RYR2: variants seen among roughly 807,000 people sequenced by gnomAD.
The protein encoded by RYR2 is cardiac muscle ryanodine receptor-calcium release channel.
A neutral mutation model predicts 601.1 loss-of-function variants in RYR2; 227 were observed. That is an observed-to-expected ratio of 0.38 (90% CI 0.34 to 0.42). The LOEUF is 0.42. RYR2 is among the 10% of genes least tolerant of loss of function. The probability of loss-of-function intolerance (pLI) is 1.00; values close to 1 mark genes in which losing one functional copy is unlikely to be tolerated. For synonymous variants in RYR2, 2,223 were observed against 2,175.1 expected (o/e 1.02, Z -0.61); for missense variants, 4,646 against 6,156.5 (o/e 0.75, Z 8.21).
At chr1:237,264,329 G>C (rs1688823263) in intron 1 of RYR2, among the ~76,000 whole-genome samples, 1 of 152,106 alleles carries the variant, frequency 6.6e-6, no homozygotes, top group Non-Finnish European at 1.5e-5. Context: ...GAGGTCCCTA[G>C]GCATCCCTGA....
intron 1 of RYR2, among the ~76,000 whole-genome samples, chr1:237,218,084 C>T (rs1683387089): frequency 6.6e-6 from 1 of 152,112 alleles, no homozygotes; most frequent in South Asian, 2.1e-4. Flanking sequence ...ATTCATTTTT[C>T]ATCTTTGCCC....
At chr1:237,225,051 G>C (rs1358448144) in intron 1 of RYR2, among the ~76,000 whole-genome samples, 1 of 152,010 alleles carries the variant, frequency 6.6e-6, no homozygotes, top group Non-Finnish European at 1.5e-5. Context: ...CATTTCAGAA[G>C]GTTTGTTTTC....
At chr1:237,333,490 G>A (rs1572634535) in intron 3 of RYR2, 1 of 391,084 alleles carries the variant, frequency 2.6e-6, no homozygotes, top group Non-Finnish European at 5.1e-6. Context: ...GCAACGGGGG[G>A]TGTCCTGGAG....
chr1:237,527,651 G>A (rs1667727654), intron 24 of RYR2, among the ~76,000 whole-genome samples: 2 of 152,052 alleles, frequency 1.3e-5, no homozygotes, highest in African/African-American at 2.4e-5. Context: ...ATTCCCACAT[G>A]TCTTCATCTT....
intron 3 of RYR2, among the ~76,000 whole-genome samples, chr1:237,337,682 G>T (rs1572647977): frequency 6.6e-6 from 1 of 152,206 alleles, no homozygotes; most frequent in East Asian, 1.9e-4. Context: ...TGTCATCATT[G>T]TGATGGTCTC....
intron 27 of RYR2, among the ~76,000 whole-genome samples, chr1:237,562,087 T>C (rs1000719738): frequency 6.6e-6 from 1 of 152,218 alleles, no homozygotes; most frequent in Non-Finnish European, 1.5e-5. Context: ...AATTATAATT[T>C]ATTTTCTCTT....
intron 83 of RYR2, among the ~76,000 whole-genome samples, chr1:237,760,542 C>T (rs1236105795): frequency 6.6e-6 from 1 of 151,850 alleles, no homozygotes; most frequent in African/African-American, 2.4e-5. Flanking sequence ...ATCACTAACT[C>T]ATTTGCGGTA....
chr1:237,545,172 C>T (rs1016072965), intron 25 of RYR2, among the ~76,000 whole-genome samples: 2 of 152,140 alleles, frequency 1.3e-5, no homozygotes, highest in Non-Finnish European at 2.9e-5. Flanking sequence ...TCATTGAGAT[C>T]ACAGATTAAA....
chr1:237,718,241 A>G (rs1273465452), intron 72 of RYR2, among the ~76,000 whole-genome samples: 2 of 152,218 alleles, frequency 1.3e-5, no homozygotes, highest in East Asian at 1.9e-4. Flanking sequence ...TTGAATTTCA[A>G]TGTCCTTACT....
At chr1:237,086,863 AT>A (rs1221720432) in intron 1 of RYR2, among the ~76,000 whole-genome samples, 2 of 152,198 alleles carry the variant, frequency 1.3e-5, no homozygotes, top group East Asian at 3.8e-4. Context: ...AGTCAAACTT[AT>A]GCTTTTAAAT....
At chr1:237,378,453 A>G (rs929966437) in intron 8 of RYR2, among the ~76,000 whole-genome samples, 1 of 152,228 alleles carries the variant, frequency 6.6e-6, no homozygotes, top group African/African-American at 2.4e-5. Flanking sequence ...CTAGAGCAAA[A>G]TATTCATTTT....
At chr1:237,319,615 C>T (rs970928191) in intron 2 of RYR2, among the ~76,000 whole-genome samples, 4 of 151,792 alleles carry the variant, frequency 2.6e-5, no homozygotes, top group Non-Finnish European at 4.4e-5. Context: ...TTTGCTATTC[C>T]TTCATAGCTT....
At chr1:237,591,271 A>T in intron 31 of RYR2, among the ~76,000 whole-genome samples, 1 of 150,822 alleles carries the variant, frequency 6.6e-6, no homozygotes. Flanking sequence ...GGAAAAATTA[A>T]GCAACCTGTT....
intron 1 of RYR2, among the ~76,000 whole-genome samples, chr1:237,235,627 T>C (rs959543554): frequency 2.6e-5 from 4 of 152,178 alleles, no homozygotes; most frequent in Admixed American, 2.6e-4. Flanking sequence ...TGTTTGACAA[T>C]TGCAATTGCA....
chr1:237,819,295 C>A lies in RYR2; in HGVS notation c.14590+103C>A. 8.9e-7 allele frequency: 1 copy of A among 1,119,520 alleles called. No individual in the cohort carries two copies. The highest frequency in any genetic ancestry group is 1.3e-6 in the Non-Finnish European group (1 of 772,146). 69.3% of individuals were successfully genotyped at this position (1,119,520 alleles called of 1,614,324 possible). A position where few individuals can be genotyped will look rare whatever the true frequency, so the allele number is the denominator to read the frequency against. Reference sequence around the variant, plus strand: ...GGTAATGACGTCAAGTGTTTCCTGGCAAAGCCAAATCAAACTTTTCCTTCC... The same window carrying A: ...GGTAATGACGTCAAGTGTTTCCTGGAAAAGCCAAATCAAACTTTTCCTTCC... On this transcript the variant is annotated intron_variant, in intron 101 of 104. Coordinates refer to ENST00000366574, the MANE Select transcript of RYR2 (RefSeq NM_001035.3). This position sits in a 1 kb window ranked among gnomAD's most constrained non-coding sequence, Gnocchi z 4.0.
At chr1:237,550,835 G>A in intron 27 of RYR2, 144 bp downstream of exon 27, 1 of 876,012 alleles carries the variant, frequency 1.1e-6, no homozygotes, top group Non-Finnish European at 1.7e-6. Flanking sequence ...TTTCTTCCCT[G>A]AAAAACACCT....
intron 75 of RYR2, 47 bp downstream of exon 75, chr1:237,726,355 T>G: frequency 7.9e-7 from 1 of 1,271,178 alleles, no homozygotes; most frequent in Non-Finnish European, 1.1e-6. Flanking sequence ...TAATTTAGGT[T>G]TATATGTTGG....
intron 3 of RYR2, chr1:237,333,571 A>C (rs1696957160): frequency 2.2e-6 from 1 of 455,742 alleles, no homozygotes; most frequent in Non-Finnish European, 4.4e-6. Flanking sequence ...CAAGAAGGAT[A>C]GATATTTTCC....
intron 1 of RYR2, among the ~76,000 whole-genome samples, chr1:237,219,152 C>T (rs1335855056): frequency 6.6e-6 from 1 of 151,716 alleles, no homozygotes; most frequent in Non-Finnish European, 1.5e-5. Flanking sequence ...GCTGGGATTA[C>T]AGGCCTGTGC....
Sources: gnomAD v4.1 joint callset for allele counts (sites outside exome capture counted in the v4.1 genomes callset) on GRCh38, gnomAD v4.1.1 for gene constraint, Gnocchi (gnomAD v3.1) non-coding constraint, MANE v1.5 for transcripts, NCBI Gene and HGNC (gene_info 2026-07-23, HGNC 2026-07-21) for gene names.